The following CYTH3 variants were observed in gnomAD, a reference collection of about 807,000 sequenced individuals.
CYTH3 encodes cytohesin 3.
CYTH3 carries 23 observed loss-of-function variants against 55.1 expected under a neutral mutation model. That is an observed-to-expected ratio of 0.42 (90% CI 0.30 to 0.59). CYTH3 has a LOEUF of 0.59. Ranked by LOEUF, CYTH3 falls within the 20% of genes least tolerant of loss-of-function variation. The probability of loss-of-function intolerance (pLI) is 0.20; values close to 1 mark genes in which losing one functional copy is unlikely to be tolerated. For synonymous variants in CYTH3, 249 were observed against 194.9 expected (o/e 1.28, Z -2.31); for missense variants, 413 against 524.8 (o/e 0.79, Z 2.08).
intron 1 of CYTH3, among the ~76,000 whole-genome samples, chr7:6,262,644 T>C (rs988113905): frequency 2.6e-5 from 4 of 152,314 alleles, no homozygotes; most frequent in Non-Finnish European, 5.9e-5. Context: ...TTGAGGCCAG[T>C]AGTTCAACAC....
intron 5 of CYTH3, among the ~76,000 whole-genome samples, 176 bp from the exon 6 acceptor site, chr7:6,173,909 G>A (rs1415601204): frequency 6.6e-6 from 1 of 152,142 alleles, no homozygotes; most frequent in Non-Finnish European, 1.5e-5. Flanking sequence ...TACCCAGGCT[G>A]GTCTGCAACT....
At chr7:6,242,349 TAC>T (rs1779696186) in intron 1 of CYTH3, among the ~76,000 whole-genome samples, 2 of 149,122 alleles carry the variant, frequency 1.3e-5, no homozygotes, top group African/African-American at 5.0e-5. Flanking sequence ...GTGCTGGGAT[TAC>T]AGACATGAGC....
intron 1 of CYTH3, 149 bp downstream of exon 1, chr7:6,272,325 C>A (rs1780685512): frequency 4.4e-6 from 3 of 683,940 alleles, no homozygotes; most frequent in African/African-American, 2.0e-5. Context: ...CCTGGCCCGG[C>A]GTGCCTCAGG....
At chr7:6,257,283 A>C (rs1232578740) in intron 1 of CYTH3, among the ~76,000 whole-genome samples, 3 of 152,150 alleles carry the variant, frequency 2.0e-5, no homozygotes, top group Non-Finnish European at 2.9e-5. Context: ...AAATTCTTCA[A>C]TTTTCCCATA....
At chr7:6,207,923 C>A (rs1204358261) in intron 1 of CYTH3, among the ~76,000 whole-genome samples, 3 of 150,418 alleles carry the variant, frequency 2.0e-5, no homozygotes, top group Non-Finnish European at 4.4e-5. Context: ...GCACTGCAGC[C>A]TGGGTGACAG....
At chr7:6,190,650 A>C in intron 1 of CYTH3, 119 bp from the exon 2 acceptor site, 1 of 750,942 alleles carries the variant, frequency 1.3e-6, no homozygotes, top group East Asian at 2.9e-5. Context: ...ATCCTAAAGA[A>C]ATGCTCCCAT....
chr7:6,256,046 A>G (rs971500538), intron 1 of CYTH3, among the ~76,000 whole-genome samples: 1 of 152,180 alleles, frequency 6.6e-6, no homozygotes, highest in African/African-American at 2.4e-5. Flanking sequence ...TACAGGCATG[A>G]GCCATTGCGC....
chr7:6,205,701 G>A lies in CYTH3; in HGVS notation c.35-15170C>T, dbSNP rs181899014. ...ACCACAGCGTGGGCAATATAGCAAG[G>A]CCCTGTCTGAAAAAAGCCAAAACAC... On this transcript the variant is annotated intron_variant, in intron 1 of 12. Transcript: ENST00000350796. 7.9e-4 allele frequency among the ~76,000 whole-genome samples: 120 copies of A among 151,384 alleles called. No individual in the cohort carries two copies. In the East Asian group the frequency reaches 0.023, roughly 29 times the overall value.
At chr7:6,192,310 T>G (rs1783819649) in intron 1 of CYTH3, among the ~76,000 whole-genome samples, 1 of 151,948 alleles carries the variant, frequency 6.6e-6, no homozygotes, top group East Asian at 1.9e-4. Flanking sequence ...CTTGAACTCC[T>G]GGGCTCAAGC....
chr7:6,265,237 G>T (rs1156600255), intron 1 of CYTH3, among the ~76,000 whole-genome samples: 4 of 146,304 alleles, frequency 2.7e-5, no homozygotes, highest in Non-Finnish European at 5.9e-5. Context: ...TATTGAAAAG[G>T]TTATGAAAAA....
intron 1 of CYTH3, among the ~76,000 whole-genome samples, chr7:6,232,111 T>C (rs188197814): frequency 3.3e-4 from 50 of 152,286 alleles, no homozygotes; most frequent in African/African-American, 1.2e-3. Flanking sequence ...GTCTTACCTT[T>C]TACCCTTCCA....
intron 1 of CYTH3, among the ~76,000 whole-genome samples, chr7:6,204,128 T>C (rs1250950616): frequency 1.3e-5 from 2 of 152,202 alleles, no homozygotes; most frequent in East Asian, 1.9e-4. Context: ...GAAGGATTCA[T>C]TGCCCCTGGT....
At chr7:6,270,968 T>C (rs1166844547) in intron 1 of CYTH3, among the ~76,000 whole-genome samples, 1 of 152,188 alleles carries the variant, frequency 6.6e-6, no homozygotes, top group Non-Finnish European at 1.5e-5. Flanking sequence ...CTAGCTGCCT[T>C]GACGCTAATG....
chr7:6,211,798 A>G (rs1454353754), intron 1 of CYTH3, among the ~76,000 whole-genome samples: 1 of 151,942 alleles, frequency 6.6e-6, no homozygotes, highest in Admixed American at 6.6e-5. Context: ...AGAGTTTGAG[A>G]CAAGCCTGGC....
chr7:6,259,790 TA>T (rs1444119702), intron 1 of CYTH3, among the ~76,000 whole-genome samples: 2 of 14,990 alleles, frequency 1.3e-4, no homozygotes, highest in East Asian at 3.3e-3. Flanking sequence ...ATATAATATA[TA>T]TATATATATA....
Position 6,244,955 on chromosome 7 carries a change from A to ATTTTTTTT in CYTH3, c.34+27511_34+27518dup. ...AGTCACCCGCCACCACGCCCGGCTA[A>ATTTTTTTT]TTTTTTTTTTTTTTTTTTTTTTTTT... On this transcript the variant is annotated intron_variant, in intron 1 of 12. Coordinates refer to ENST00000350796, the MANE Select transcript of CYTH3 (RefSeq NM_004227.4). Among the ~76,000 whole-genome samples, 181 of 36,448 alleles carry ATTTTTTTT rather than the reference A, an allele frequency of 5.0e-3. 11 individuals carry two copies. Among genetic ancestry groups the ATTTTTTTT allele is most frequent in the Non-Finnish European group, 7.1e-3 (141 of 19,964 alleles). 23.9% of individuals were successfully genotyped at this position (36,448 alleles called of 152,430 possible).
At chr7:6,236,842 C>T (rs1176543336) in intron 1 of CYTH3, among the ~76,000 whole-genome samples, 3 of 149,738 alleles carry the variant, frequency 2.0e-5, no homozygotes, top group East Asian at 4.0e-4. Context: ...CGATTACAGG[C>T]GTGAGCCACT....
intron 1 of CYTH3, among the ~76,000 whole-genome samples, chr7:6,218,216 C>T (rs1784469047): frequency 6.6e-6 from 1 of 152,048 alleles, no homozygotes; most frequent in Admixed American, 6.6e-5. Flanking sequence ...AGATGATTAT[C>T]CTGGATTATC....
chr7:6,214,828 G>C (rs1784391447), intron 1 of CYTH3, among the ~76,000 whole-genome samples: 1 of 152,120 alleles, frequency 6.6e-6, no homozygotes, highest in South Asian at 2.1e-4. Flanking sequence ...TGATGCCAAA[G>C]CGAATATTCG....
Sources: gnomAD v4.1 joint callset for allele counts (sites outside exome capture counted in the v4.1 genomes callset) on GRCh38, gnomAD v4.1.1 for gene constraint, MANE v1.5 for transcripts, NCBI Gene and HGNC (gene_info 2026-07-23, HGNC 2026-07-21) for gene names.